The following ALMS1 variants were observed in gnomAD, a reference collection of about 807,000 sequenced individuals.
The protein encoded by ALMS1 is centrosome-associated protein ALMS1.
In ALMS1, 271 loss-of-function variants were observed where a neutral mutation model predicts 352.2. That is an observed-to-expected ratio of 0.77 (90% CI 0.70 to 0.85). The LOEUF (loss-of-function observed/expected upper bound fraction) is 0.85. Among genes scored for constraint, ALMS1 ranks in the 40% least tolerant of loss-of-function variants. The pLI, the probability that ALMS1 is intolerant of heterozygous loss-of-function variation, is 0.00. For synonymous variants in ALMS1, 1,865 were observed against 1,761.2 expected, an observed-to-expected ratio of 1.06 and a Z score of -1.48; for missense variants, 5,445 against 4,870.7, an observed-to-expected ratio of 1.12 and a Z score of -3.51.
Position 73,454,171 on chromosome 2 carries a change from G to T in ALMS1, c.7540+104G>T, listed in dbSNP as rs917506316. 2.0e-4 allele frequency: 300 copies of T among 1,490,082 alleles called. 1 individual carries two copies. Among genetic ancestry groups the T allele is most frequent in the South Asian group, 4.8e-4 (36 of 75,492 alleles). 92.3% of individuals were successfully genotyped at this position (1,490,082 alleles called of 1,614,324 possible). ...CTTAGCCAATGAAAAATACAAGCAA[G>T]ATCAAGAAAAAAAATGAAGTTAGAT... is the stretch of plus-strand genomic sequence containing the variant. On this transcript the variant is annotated intron_variant, in intron 8 of 22. Transcript: ENST00000613296.
At chr2:73,524,609 C>T (rs565719914) in intron 11 of ALMS1, among the ~76,000 whole-genome samples, 3 of 152,190 alleles carry the variant, frequency 2.0e-5, no homozygotes, top group East Asian at 1.9e-4. Context: ...CCCGCCACCA[C>T]GCCTGGCTAA....
At chr2:73,586,840 A>G (rs1486785772) in intron 16 of ALMS1, among the ~76,000 whole-genome samples, 2 of 152,178 alleles carry the variant, frequency 1.3e-5, no homozygotes, top group Non-Finnish European at 2.9e-5. Context: ...GCTTTTGGCA[A>G]TATGGTCATT....
intron 16 of ALMS1, among the ~76,000 whole-genome samples, chr2:73,597,493 A>G (rs1471200169): frequency 3.3e-5 from 5 of 152,166 alleles, no homozygotes; most frequent in Non-Finnish European, 5.9e-5. Context: ...CCCCTTTTTT[A>G]TAGCTGCAGA....
intron 7 of ALMS1, among the ~76,000 whole-genome samples, chr2:73,440,289 G>A (rs567423883): frequency 3.9e-5 from 6 of 152,210 alleles, no homozygotes; most frequent in African/African-American, 1.4e-4. Flanking sequence ...GGCCCTTGGT[G>A]TGGATTTCTT....
Position 73,555,888 on chromosome 2 carries a change from C to T in ALMS1, c.10079-1332C>T, listed in dbSNP as rs140485519. On this transcript the variant is annotated intron_variant, in intron 13 of 22. Transcript: ENST00000613296. ...AATATTGAGTGAAAAAGTCATGGTG[C>T]GTAAAGGTACAGACAGTATTGTACC... Among the ~76,000 whole-genome samples the T allele has an allele frequency of 1.2e-3, 187 of 152,076 alleles. 1 individual carries two copies. Among genetic ancestry groups the T allele is most frequent in the African/African-American group, 4.2e-3 (175 of 41,492 alleles).
At chr2:73,491,689 AT>A (rs1056671049) in intron 10 of ALMS1, among the ~76,000 whole-genome samples, 191 bp downstream of exon 10, 3 of 152,120 alleles carry the variant, frequency 2.0e-5, no homozygotes, top group African/African-American at 7.2e-5. Context: ...ACAGTAATGC[AT>A]TTATATTTCA....
intron 16 of ALMS1, among the ~76,000 whole-genome samples, chr2:73,594,798 C>A (rs958992721): frequency 1.3e-5 from 2 of 152,196 alleles, no homozygotes; most frequent in African/African-American, 4.8e-5. Flanking sequence ...TGTGTTTTTT[C>A]TCAGGTCTTC....
chr2:73,565,671 TC>T (rs1674787149), intron 15 of ALMS1, among the ~76,000 whole-genome samples: 1 of 152,198 alleles, frequency 6.6e-6, no homozygotes, highest in South Asian at 2.1e-4. Context: ...GTCATCAAGA[TC>T]ATCATCAATA....
intron 9 of ALMS1, among the ~76,000 whole-genome samples, chr2:73,466,608 T>A (rs1672352182): frequency 6.6e-6 from 1 of 151,906 alleles, no homozygotes; most frequent in Non-Finnish European, 1.5e-5. Flanking sequence ...AACCTGCACA[T>A]TGTGCACATG....
At chr2:73,555,526 C>T (rs1023587939) in intron 13 of ALMS1, among the ~76,000 whole-genome samples, 1 of 152,132 alleles carries the variant, frequency 6.6e-6, no homozygotes, top group African/African-American at 2.4e-5. Context: ...ATGGTCTGTC[C>T]TTATGACCAT....
intron 16 of ALMS1, among the ~76,000 whole-genome samples, chr2:73,581,510 T>C (rs1198180593): frequency 6.6e-6 from 1 of 152,222 alleles, no homozygotes; most frequent in East Asian, 1.9e-4. Context: ...ACAAAGTTCT[T>C]CTACCTTGTG....
intron 16 of ALMS1, among the ~76,000 whole-genome samples, chr2:73,595,180 G>T (rs149614100): frequency 6.6e-6 from 1 of 152,076 alleles, no homozygotes; most frequent in East Asian, 1.9e-4. Context: ...GCCCTCCTTC[G>T]CAGAGGTATA....
intron 10 of ALMS1, among the ~76,000 whole-genome samples, chr2:73,513,068 G>T (rs1673484730): frequency 6.6e-6 from 1 of 151,964 alleles, no homozygotes; most frequent in African/African-American, 2.4e-5. Context: ...CTCACTTCCA[G>T]TGTGCTTTAT....
intron 15 of ALMS1, 146 bp from the exon 16 acceptor site, chr2:73,572,116 T>C (rs1674941236): frequency 2.9e-6 from 2 of 694,246 alleles, no homozygotes; most frequent in South Asian, 2.2e-5. Context: ...CATCAGTCTT[T>C]TGTGCAGGCA....
chr2:73,434,235 A>T (rs1385140115), intron 7 of ALMS1, among the ~76,000 whole-genome samples: 1 of 152,092 alleles, frequency 6.6e-6, no homozygotes, highest in Non-Finnish European at 1.5e-5. Flanking sequence ...TCTTCTTATT[A>T]CAAATATGTA....
intron 11 of ALMS1, 51 bp downstream of exon 11, chr2:73,520,067 G>C (rs1217066205): frequency 1.4e-5 from 23 of 1,611,100 alleles, no homozygotes; most frequent in East Asian, 2.2e-5. Flanking sequence ...CTTTTGTGTA[G>C]TTATCTTAGA....
intron 20 of ALMS1, among the ~76,000 whole-genome samples, chr2:73,602,961 C>G (rs1456737048): frequency 6.6e-6 from 1 of 152,212 alleles, no homozygotes; most frequent in African/African-American, 2.4e-5. Context: ...GCTGTGAAAA[C>G]TACAAAGCAC....
At chr2:73,554,690 C>T (rs773393570) in intron 13 of ALMS1, among the ~76,000 whole-genome samples, 2 of 151,930 alleles carry the variant, frequency 1.3e-5, no homozygotes, top group Non-Finnish European at 2.9e-5. Context: ...TCCAGCCTGT[C>T]GTATTTAAAA....
chr2:73,465,699 G>A (rs1190058901), intron 9 of ALMS1, among the ~76,000 whole-genome samples: 1 of 151,088 alleles, frequency 6.6e-6, no homozygotes, highest in Non-Finnish European at 1.5e-5. Flanking sequence ...GAGTGAAGAG[G>A]AAACCTACAA....
Sources: gnomAD v4.1 joint callset for allele counts (sites outside exome capture counted in the v4.1 genomes callset) on GRCh38, gnomAD v4.1.1 for gene constraint, MANE v1.5 for transcripts, NCBI Gene and HGNC (gene_info 2026-07-23, HGNC 2026-07-21) for gene names.